L3MBTL2: variants seen among roughly 807,000 people sequenced by gnomAD.
L3MBTL2 encodes the protein lethal(3)malignant brain tumor-like protein 2.
A neutral mutation model predicts 86.4 loss-of-function variants in L3MBTL2; 49 were observed. That is an observed-to-expected ratio of 0.57 (90% CI 0.45 to 0.72). L3MBTL2 has a LOEUF of 0.72. L3MBTL2 is among the 30% of genes least tolerant of loss of function. The probability of loss-of-function intolerance (pLI) is 0.00; values close to 1 mark genes in which losing one functional copy is unlikely to be tolerated. For missense variants in L3MBTL2, 755 were observed against 923.7 expected (o/e 0.82, Z 2.37); for synonymous variants, 336 against 350.6 (o/e 0.96, Z 0.47).
chr22:41,225,822 G>C lies in L3MBTL2; in HGVS notation c.1385G>C (p.Cys462Ser). The C allele has an allele frequency of 6.2e-7, 1 of 1,613,922 alleles. No individual in the cohort carries two copies. Among genetic ancestry groups the C allele is most frequent in the South Asian group, 1.1e-5 (1 of 91,066 alleles). ...CTCCTGGATGGATACCTGATGATCT[G>C]TGTGGACGGGGGGCCCTCCACAGAT... ...KVLLDGYLMI[C>S]VDGGPSTDGL... Residue 462 changes from cysteine (C) to serine (S), a missense_variant, in exon 12 of 17, where the codon TGT (cysteine) becomes TCT (serine). Physicochemically the swap from Cys to Ser is moderately radical, Grantham distance 112 (BLOSUM62 -1). Coordinates refer to ENST00000216237, the MANE Select transcript of L3MBTL2 (RefSeq NM_031488.5). The surrounding 1 kb of genome is among the most constrained non-coding windows in gnomAD (Gnocchi z 4.1).
intron 12 of L3MBTL2, 108 bp downstream of exon 12, chr22:41,226,049 G>A: frequency 3.2e-6 from 4 of 1,241,686 alleles, no homozygotes; most frequent in Non-Finnish European, 4.5e-6. Flanking sequence ...GGCCGAGGCA[G>A]GTGGATGACC....
rs764359970 is a variant in L3MBTL2 at position 41,224,822 on chromosome 22, G to A, written c.1251+21G>A. 3.1e-5 allele frequency: 49 copies of A among 1,603,874 alleles called. No homozygotes were observed. The highest frequency in any genetic ancestry group is 1.6e-4 in the Middle Eastern group (1 of 6,066). On this transcript the variant is annotated intron_variant, in intron 10 of 16. Transcript: ENST00000216237. The surrounding 1 kb of genome is among the most constrained non-coding windows in gnomAD (Gnocchi z 4.9). ...AGAAGGTGAGGTTCAGCTCTTGGGC[G>A]CTTTTCCCCTCAGCCATGGGTCCAT...
At chr22:41,220,033 G>C (rs2031697079) in intron 6 of L3MBTL2, among the ~76,000 whole-genome samples, 1 of 152,138 alleles carries the variant, frequency 6.6e-6, no homozygotes, top group African/African-American at 2.4e-5. Context: ...CACCGTGCCT[G>C]GCTGGAAACC....
At chr22:41,222,879 C>G (rs2031922987) in intron 8 of L3MBTL2, among the ~76,000 whole-genome samples, 1 of 152,158 alleles carries the variant, frequency 6.6e-6, no homozygotes, top group Admixed American at 6.5e-5. Context: ...TGAGATCGTG[C>G]CACTGCACTT....
chr22:41,205,474 C>CTGGAGGG (rs1200809194), intron 1 of L3MBTL2, 88 bp downstream of exon 1: 7 of 1,473,068 alleles, frequency 4.8e-6, no homozygotes, highest in Admixed American at 3.3e-5. Flanking sequence ...TTAGCGACGC[C>CTGGAGGG]TGGAGGGTGG....
rs966768767 is a variant in L3MBTL2, at chr22:41,211,525, A to G, written c.262+1592A>G. On this transcript the variant is annotated intron_variant, in intron 2 of 16. Transcript: ENST00000216237. ...CAGCCCCAAACTCGTTAGAAGAGTA[A>G]TCTAATACTCTTTGCAGTTGAATCT... Among the ~76,000 whole-genome samples, 5 of 143,598 alleles carry G rather than the reference A, an allele frequency of 3.5e-5. No individual in the cohort carries two copies. In the South Asian group the frequency reaches 8.8e-4, roughly 25 times the overall value. 94.2% of individuals were successfully genotyped at this position (143,598 alleles called of 152,430 possible).
At chr22:41,208,270 C>T (rs1379218835) in intron 1 of L3MBTL2, 75 of 428,678 alleles carry the variant, frequency 1.7e-4, no homozygotes, top group Non-Finnish European at 3.2e-5. Context: ...GCTGGGACTA[C>T]AGGCGCATGC....
At chr22:41,211,870 T>G (rs1460886110) in intron 2 of L3MBTL2, among the ~76,000 whole-genome samples, 1 of 115,694 alleles carries the variant, frequency 8.6e-6, no homozygotes, top group African/African-American at 3.4e-5. Flanking sequence ...TTTTTTTTTT[T>G]TTTTTTTTTT....
chr22:41,214,163 C>G, intron 3 of L3MBTL2, 137 bp downstream of exon 3: 1 of 833,368 alleles, frequency 1.2e-6, no homozygotes, highest in Non-Finnish European at 1.9e-6. Flanking sequence ...TGTTCTCAAA[C>G]TTCAGAGGAC....
intron 1 of L3MBTL2, among the ~76,000 whole-genome samples, chr22:41,206,768 C>G (rs539414174): frequency 1.3e-5 from 2 of 151,752 alleles, no homozygotes; most frequent in African/African-American, 4.8e-5. Flanking sequence ...CACTGCACCA[C>G]TGCACTCCAG....
At chr22:41,228,506 G>A (rs977738419) in intron 15 of L3MBTL2, 2 of 985,332 alleles carry the variant, frequency 2.0e-6, no homozygotes, top group East Asian at 2.3e-4. Context: ...GGTACCATGT[G>A]GGGAAGAGGA....
In L3MBTL2 at chr22:41,224,830, C is replaced by T. The variant is rs753894594; in HGVS notation, c.1251+29C>T. On this transcript the variant is annotated intron_variant, in intron 10 of 16. Coordinates refer to ENST00000216237, the MANE Select transcript of L3MBTL2 (RefSeq NM_031488.5). The surrounding 1 kb of genome is among the most constrained non-coding windows in gnomAD (Gnocchi z 4.9). The stretch of plus-strand genomic sequence containing the variant: ...AGGTTCAGCTCTTGGGCGCTTTTCC[C>T]CTCAGCCATGGGTCCATTCCGGGCC... 2 of 1,598,348 alleles carry T rather than the reference C, an allele frequency of 1.3e-6. No homozygotes were observed. Among genetic ancestry groups the T allele is most frequent in the Non-Finnish European group, 1.7e-6 (2 of 1,165,706 alleles).
chr22:41,214,622 G>C (rs755504426), intron 3 of L3MBTL2: 5 of 152,164 alleles, frequency 3.3e-5, no homozygotes, highest in African/African-American at 1.2e-4. Context: ...CATCTCAGGG[G>C]CCTCATCTTA....
Position 41,221,267 on chromosome 22 carries a change from C to A in L3MBTL2, c.922C>A (p.Pro308Thr), listed in dbSNP as rs1348885582. The change falls in exon 8 of 17, where the codon CCC (proline) becomes ACC (threonine). Residue 308 changes from proline (P) to threonine (T), a missense_variant. Coordinates refer to ENST00000216237, the MANE Select transcript of L3MBTL2 (RefSeq NM_031488.5). The stretch of plus-strand genomic sequence containing the variant: ...ACGGCTGGTGGGCTCCAGGACGCTT[C>A]CCGTGGATTTCCACATCAAGGTCGG... ...MKRLVGSRTL[P>T]VDFHIKMVES... 4 of 1,551,542 alleles carry A rather than the reference C, an allele frequency of 2.6e-6. No individual in the cohort carries two copies. The Admixed American group carries it at 5.9e-5, about 23-fold the overall frequency.
Position 41,216,171 on chromosome 22 carries a change from G to A in L3MBTL2, c.429G>A (p.Leu143=), listed in dbSNP as rs1055920501. 5 of 1,613,916 alleles carry A rather than the reference G, an allele frequency of 3.1e-6. No individual in the cohort carries two copies. The highest frequency in any genetic ancestry group is 2.2e-5 in the East Asian group (1 of 44,896). The change falls in exon 4 of 17, where the codon CTG becomes CTA. Residue 143 remains leucine (L), a synonymous_variant. Transcript: ENST00000216237. ...CACCGACCAAAAAAGCCAAAGTCCT[G>A]CACAAGGCTGCCTGGTCTGCCAAAA... ...GKPPTKKAKV[L]HKAAWSAKIG... is the part of the protein sequence containing the mutation.
At position 41,219,514 on chromosome 22, in the gene L3MBTL2, C is replaced by T. The variant is rs369325262; in HGVS notation, c.696C>T (p.Ile232=). ...TGCTCCCCAGCCGGGTGTACTGGATCGCCTCTGTCATCCAGACAGCAGGTG... is the reference window on the plus strand; with the variant it reads ...TGCTCCCCAGCCGGGTGTACTGGATTGCCTCTGTCATCCAGACAGCAGGTG... The part of the protein sequence containing the change: ...DAVLPSRVYW[I]ASVIQTAGYR... The change falls in exon 6 of 17, where the codon ATC becomes ATT. Residue 232 remains isoleucine, a synonymous_variant. Transcript: ENST00000216237. 1 of 1,612,704 alleles carries T rather than the reference C, an allele frequency of 6.2e-7. No individual in the cohort carries two copies.
At chr22:41,213,457 C>CTTTTT (rs139449) in intron 2 of L3MBTL2, among the ~76,000 whole-genome samples, 1 of 127,218 alleles carries the variant, frequency 7.9e-6, no homozygotes, top group African/African-American at 2.9e-5. Flanking sequence ...CACACCTGGC[C>CTTTTT]TTTTTTTTTT....
chr22:41,224,257 C>T lies in L3MBTL2; in HGVS notation c.1174+6C>T. ...CCACGGCATCAAGATGTCAGGTTAGCAGAGCCCCAGGCCAGAGGGACTGCA... is the reference window on the plus strand; with the variant it reads ...CCACGGCATCAAGATGTCAGGTTAGTAGAGCCCCAGGCCAGAGGGACTGCA... On this transcript the variant is annotated splice_donor_region_variant and intron_variant, in intron 9 of 16. Transcript: ENST00000216237. The surrounding 1 kb of genome is among the most constrained non-coding windows in gnomAD (Gnocchi z 4.9). The T allele has an allele frequency of 6.2e-7, 1 of 1,604,870 alleles. No individual in the cohort carries two copies. The highest frequency in any genetic ancestry group is 8.5e-7 in the Non-Finnish European group (1 of 1,172,818).
intron 15 of L3MBTL2, among the ~76,000 whole-genome samples, chr22:41,229,201 G>C (rs2032408451): frequency 6.6e-6 from 1 of 152,186 alleles, no homozygotes; most frequent in Non-Finnish European, 1.5e-5. Flanking sequence ...AGGCTGCAGT[G>C]AACTGTGATC....
Sources: allele counts gnomAD v4.1 joint callset (sites outside exome capture counted in the v4.1 genomes callset), GRCh38; gene constraint gnomAD v4.1.1; non-coding constraint Gnocchi (gnomAD v3.1); transcripts MANE v1.5; gene names NCBI Gene and HGNC (gene_info 2026-07-23, HGNC 2026-07-21).